SLC4A4: variants seen among roughly 807,000 people sequenced by gnomAD.
SLC4A4 encodes the protein electrogenic sodium bicarbonate cotransporter 1.
In SLC4A4, 27 loss-of-function variants were observed where a neutral mutation model predicts 111.5. The observed-to-expected ratio is 0.24, with a 90% CI of 0.18 to 0.33. SLC4A4 has a LOEUF of 0.33. SLC4A4 is among the 10% of genes least tolerant of loss of function. The pLI, the probability that SLC4A4 is intolerant of heterozygous loss-of-function variation, is 1.00. For synonymous variants in SLC4A4, 443 were observed against 463.4 expected, an observed-to-expected ratio of 0.96 and a Z score of 0.57; for missense variants, 909 against 1,315.5, an observed-to-expected ratio of 0.69 and a Z score of 4.78.
At chr4:71,089,469 C>A (rs558751068) in intron 1 of SLC4A4, among the ~76,000 whole-genome samples, 4 of 152,014 alleles carry the variant, frequency 2.6e-5, no homozygotes, top group African/African-American at 4.8e-5. Context: ...GGAGGAGAGG[C>A]GCTCTGATTT....
rs150719790 is a variant in SLC4A4 at position 71,148,688 on chromosome 4, G to A, written c.-2+55896G>A. 2.0e-3 allele frequency among the ~76,000 whole-genome samples: 310 copies of A among 152,210 alleles called. 1 individual carries two copies. Among genetic ancestry groups the A allele is most frequent in the African/African-American group, 7.2e-3 (301 of 41,540 alleles). On this transcript the variant is annotated intron_variant, in intron 2 of 26. Transcript: ENST00000649996. ...ACTGTGTTGGTTTGCCAAGGATAAT[G>A]GCCTCCAGCTCCATCCATGTTCCCG...
intron 18 of SLC4A4, among the ~76,000 whole-genome samples, chr4:71,537,368 G>A (rs962736738): frequency 4.5e-4 from 65 of 145,772 alleles, no homozygotes; most frequent in Admixed American, 8.3e-4. Context: ...ATATACATAT[G>A]TGTGTATATA....
chr4:71,492,912 T>A (rs1468027880), intron 15 of SLC4A4, among the ~76,000 whole-genome samples: 3 of 151,978 alleles, frequency 2.0e-5, no homozygotes, highest in African/African-American at 7.2e-5. Flanking sequence ...CTCATTTAGA[T>A]ACTTCCTTTT....
chr4:71,414,990 T>C (rs929501145), intron 7 of SLC4A4, among the ~76,000 whole-genome samples: 3 of 152,326 alleles, frequency 2.0e-5, no homozygotes, highest in East Asian at 1.9e-4. Flanking sequence ...ATCATTAAGA[T>C]TGGTGCAGTT....
chr4:71,560,471 C>T (rs1736877906), intron 23 of SLC4A4, among the ~76,000 whole-genome samples: 1 of 151,514 alleles, frequency 6.6e-6, no homozygotes. Flanking sequence ...CTAATAATGA[C>T]ATAATGACTA....
chr4:71,265,741 G>A (rs1282375183), intron 3 of SLC4A4, among the ~76,000 whole-genome samples: 2 of 151,988 alleles, frequency 1.3e-5, no homozygotes, highest in Non-Finnish European at 2.9e-5. Flanking sequence ...ATTCTCTAAC[G>A]ATTTTCCCTT....
chr4:71,248,261 A>AAAAGGGAAGGG (rs1393875968), intron 2 of SLC4A4, among the ~76,000 whole-genome samples: 2 of 152,008 alleles, frequency 1.3e-5, no homozygotes, highest in African/African-American at 4.8e-5. Flanking sequence ...TTCTCCTTTG[A>AAAAGGGAAGGG]AAAGGGAAGG....
chr4:71,383,369 CTTGTA>C (rs890016526), intron 6 of SLC4A4, among the ~76,000 whole-genome samples: 62 of 152,166 alleles, frequency 4.1e-4, no homozygotes, highest in African/African-American at 1.3e-3. Context: ...CCTAGAAGCT[CTTGTA>C]TTGGTTTGCC....
intron 16 of SLC4A4, among the ~76,000 whole-genome samples, chr4:71,531,661 T>C (rs113629321): frequency 0.014 from 2,140 of 151,856 alleles, 21 homozygotes; most frequent in Middle Eastern, 0.024. Context: ...ATGTACTTAG[T>C]TTTCATTCTT....
chr4:71,225,445 T>C (rs1436216494), intron 1 of SLC4A4, among the ~76,000 whole-genome samples: 1 of 152,194 alleles, frequency 6.6e-6, no homozygotes, highest in Non-Finnish European at 1.5e-5. Context: ...GTTCTTTCCC[T>C]GTTACTGAGT....
intron 7 of SLC4A4, among the ~76,000 whole-genome samples, chr4:71,433,646 C>T (rs984293669): frequency 1.1e-4 from 16 of 152,136 alleles, no homozygotes; most frequent in East Asian, 1.9e-4. Context: ...AATTAGATCC[C>T]GTTTGTCAAT....
intron 18 of SLC4A4, among the ~76,000 whole-genome samples, chr4:71,540,707 C>T (rs1164553190): frequency 6.7e-6 from 1 of 149,242 alleles, no homozygotes; most frequent in Non-Finnish European, 1.5e-5. Context: ...TTCTTTGTGC[C>T]TTGTACCTTG....
At chr4:71,413,040 C>T (rs1191149439) in intron 7 of SLC4A4, among the ~76,000 whole-genome samples, 1 of 152,112 alleles carries the variant, frequency 6.6e-6, no homozygotes, top group African/African-American at 2.4e-5. Flanking sequence ...GATGAAGAAC[C>T]CCTCAACCAA....
intron 19 of SLC4A4, 132 bp downstream of exon 19, chr4:71,546,660 C>T (rs1735547580): frequency 2.5e-6 from 2 of 807,344 alleles, no homozygotes; most frequent in Non-Finnish European, 4.1e-6. Context: ...ATTTTTTGTT[C>T]CAGAAAGGAC....
intron 16 of SLC4A4, among the ~76,000 whole-genome samples, chr4:71,519,199 T>C (rs1220744901): frequency 6.6e-6 from 1 of 152,250 alleles, no homozygotes; most frequent in Non-Finnish European, 1.5e-5. Context: ...GTCTGCCATC[T>C]TGCTGATATC....
chr4:71,568,105 T>C lies in SLC4A4; in HGVS notation c.*354T>C. 1 of 447,712 alleles carries C rather than the reference T, an allele frequency of 2.2e-6. No individual in the cohort carries two copies. Among genetic ancestry groups the C allele is most frequent in the Non-Finnish European group, 4.0e-6 (1 of 252,820 alleles). The allele number at this position is 447,712 out of a possible 1,614,324, so 27.7% of individuals were successfully genotyped here. A position where few individuals can be genotyped will look rare whatever the true frequency, so the allele number is the denominator to read the frequency against. ...CATCTGAGGAATCCCCCTTTTGTTCTTAAACTTTCAGATGTGTCCTTTGAT... is the reference window on the plus strand; with the variant it reads ...CATCTGAGGAATCCCCCTTTTGTTCCTAAACTTTCAGATGTGTCCTTTGAT... On this transcript the variant is annotated 3_prime_UTR_variant, in exon 26 of 26. Coordinates refer to ENST00000264485, the MANE Select transcript of SLC4A4 (RefSeq NM_001098484.3).
At chr4:71,392,850 A>C (rs1308672455) in intron 6 of SLC4A4, among the ~76,000 whole-genome samples, 1 of 152,142 alleles carries the variant, frequency 6.6e-6, no homozygotes, top group African/African-American at 2.4e-5. Context: ...GGATGCAGGG[A>C]TGGTTTAACA....
intron 3 of SLC4A4, among the ~76,000 whole-genome samples, chr4:71,293,859 T>A (rs1374350326): frequency 6.6e-6 from 1 of 152,238 alleles, no homozygotes; most frequent in Non-Finnish European, 1.5e-5. Flanking sequence ...TCACTCTTAG[T>A]CTGAGCGCTC....
At chr4:71,381,472 T>C (rs1045596237) in intron 6 of SLC4A4, among the ~76,000 whole-genome samples, 3 of 152,192 alleles carry the variant, frequency 2.0e-5, no homozygotes, top group Non-Finnish European at 2.9e-5. Flanking sequence ...GCTGTGACTG[T>C]TGTCTTCAGT....
Sources: allele counts gnomAD v4.1 joint callset (sites outside exome capture counted in the v4.1 genomes callset), GRCh38; gene constraint gnomAD v4.1.1; transcripts MANE v1.5; gene names NCBI Gene and HGNC (gene_info 2026-07-23, HGNC 2026-07-21).